The following RAB30 variants were observed in gnomAD, a reference collection of about 807,000 sequenced individuals.
RAB30 encodes the protein ras-related protein Rab-30.
In RAB30, 9 loss-of-function variants were observed where a neutral mutation model predicts 25.1. The observed-to-expected ratio is 0.36, with a 90% CI of 0.22 to 0.63. The LOEUF is 0.63. RAB30 is among the 20% of genes least tolerant of loss of function. RAB30 has a pLI of 0.69. For synonymous variants in RAB30, 77 were observed against 86.4 expected (o/e 0.89, Z 0.60); for missense variants, 140 against 243.5 (o/e 0.58, Z 2.83).
chr11:82,977,844 C>T lies in RAB30; in HGVS notation c.*4321G>A, dbSNP rs1348460550. On this transcript the variant is annotated 3_prime_UTR_variant, in exon 5 of 5. Coordinates refer to ENST00000527633, the MANE Select transcript of RAB30 (RefSeq NM_001286060.2). ...GGACTGAGGAGAGGAGATGAAATGC[C>T]ATCTCCCTTACTCTAATGTTGCTAT... 6.6e-6 allele frequency: 1 copy of T among 152,062 alleles called. No homozygotes were observed. Among genetic ancestry groups the T allele is most frequent in the Non-Finnish European group, 1.5e-5 (1 of 68,012 alleles). 9.4% of individuals were successfully genotyped at this position (152,062 alleles called of 1,614,324 possible).
intron 1 of RAB30, among the ~76,000 whole-genome samples, chr11:83,059,828 A>G (rs1456215679): frequency 6.6e-6 from 1 of 152,146 alleles, no homozygotes; most frequent in African/African-American, 2.4e-5. Flanking sequence ...GTTGAGGGGG[A>G]AAAAAGGCAA....
Position 82,982,075 on chromosome 11 carries a change from G to C in RAB30, c.*90C>G, listed in dbSNP as rs80226613. 781 of 1,546,702 alleles carry C rather than the reference G, an allele frequency of 5.0e-4. 4 individuals carry two copies. The African/African-American group carries it at 9.2e-3, about 18-fold the overall frequency. ...CCCACAGGAGTCAGAAGGTCAGAGA[G>C]CGGGAGCCACAGTCATCGCCAGATC... is the stretch of plus-strand genomic sequence containing the variant. On this transcript the variant is annotated 3_prime_UTR_variant, in exon 5 of 5. Coordinates refer to ENST00000527633, the MANE Select transcript of RAB30 (RefSeq NM_001286060.2).
chr11:82,984,249 C>T (rs962403729), intron 4 of RAB30, among the ~76,000 whole-genome samples: 12 of 152,154 alleles, frequency 7.9e-5, no homozygotes, highest in South Asian at 2.1e-4. Flanking sequence ...TAACTTTGAG[C>T]TTCCCTGAAT....
At chr11:82,995,892 T>G (rs936508559) in intron 2 of RAB30, among the ~76,000 whole-genome samples, 1 of 152,200 alleles carries the variant, frequency 6.6e-6, no homozygotes, top group African/African-American at 2.4e-5. Context: ...AGAGGTGGGT[T>G]GAATAATCTC....
At chr11:83,033,077 TTTTTTG>T (rs1857910274) in intron 1 of RAB30, among the ~76,000 whole-genome samples, 3 of 143,780 alleles carry the variant, frequency 2.1e-5, no homozygotes, top group Admixed American at 2.1e-4. Context: ...TTTTTTTTTT[TTTTTTG>T]AGACAGAGTC....
chr11:83,021,479 C>T (rs958572932), intron 1 of RAB30, among the ~76,000 whole-genome samples: 1 of 152,246 alleles, frequency 6.6e-6, no homozygotes, highest in African/African-American at 2.4e-5. Flanking sequence ...CCTGGTCCAG[C>T]TGCAGCCTCA....
chr11:83,014,610 A>C (rs1377847979), intron 1 of RAB30, among the ~76,000 whole-genome samples: 1 of 149,344 alleles, frequency 6.7e-6, no homozygotes, highest in African/African-American at 2.5e-5. Flanking sequence ...AGGCAGAGAG[A>C]GACAAAGAAA....
Position 82,976,883 on chromosome 11 carries a change from T to G in RAB30, c.*5282A>C, listed in dbSNP as rs1856554862. On this transcript the variant is annotated 3_prime_UTR_variant, in exon 5 of 5. Transcript: ENST00000527633. ...GCAAGTCAAAAATACTTGTTTTTAT[T>G]GCTTTCCACATAAAGCAATTTGACC... is the stretch of plus-strand genomic sequence containing the variant. The G allele has an allele frequency of 6.6e-6, 1 of 152,238 alleles. No individual in the cohort carries two copies. The highest frequency in any genetic ancestry group is 1.5e-5 in the Non-Finnish European group (1 of 68,032). 9.4% of individuals were successfully genotyped at this position (152,238 alleles called of 1,614,324 possible). A position where few individuals can be genotyped will look rare whatever the true frequency, so the allele number is the denominator to read the frequency against.
In RAB30 at chr11:82,973,702, G is replaced by C. The variant is rs1377612516; in HGVS notation, c.*8463C>G. 6.6e-6 allele frequency: 1 copy of C among 152,168 alleles called. No homozygotes were observed. The highest frequency in any genetic ancestry group is 1.5e-5 in the Non-Finnish European group (1 of 68,016). 9.4% of individuals were successfully genotyped at this position (152,168 alleles called of 1,614,324 possible). ...TAAGTTGCACTCTCCAAACAGGATT[G>C]CAAGAGGTTCTACGTAAATAAACAT... On this transcript the variant is annotated 3_prime_UTR_variant, in exon 5 of 5. Coordinates refer to ENST00000527633, the MANE Select transcript of RAB30 (RefSeq NM_001286060.2).
chr11:83,042,322 G>A (rs556788019), intron 1 of RAB30, among the ~76,000 whole-genome samples: 1 of 152,080 alleles, frequency 6.6e-6, no homozygotes, highest in Non-Finnish European at 1.5e-5. Context: ...GGAGGCCAAG[G>A]TGGGTGGATT....
chr11:83,059,069 A>G (rs1858511821), intron 1 of RAB30, among the ~76,000 whole-genome samples: 1 of 152,178 alleles, frequency 6.6e-6, no homozygotes, highest in African/African-American at 2.4e-5. Flanking sequence ...CAGCCTCCCA[A>G]GTAGCTGGGA....
rs907944464 is a variant in RAB30 at position 82,978,268 on chromosome 11, G to A, written c.*3897C>T. ...AAACTCTAGAAGATCTCTCCCAGAG[G>A]CTAATAGAGCAATGATCCCTAAGTA... On this transcript the variant is annotated 3_prime_UTR_variant, in exon 5 of 5. Coordinates refer to ENST00000527633, the MANE Select transcript of RAB30 (RefSeq NM_001286060.2). 55 of 152,184 alleles carry A rather than the reference G, an allele frequency of 3.6e-4. No individual in the cohort carries two copies. Among genetic ancestry groups the A allele is most frequent in the African/African-American group, 1.3e-3 (53 of 41,518 alleles). 9.4% of individuals were successfully genotyped at this position (152,184 alleles called of 1,614,324 possible).
intron 3 of RAB30, among the ~76,000 whole-genome samples, 178 bp downstream of exon 3, chr11:82,993,861 A>C (rs1213483464): frequency 1.3e-5 from 2 of 152,160 alleles, no homozygotes; most frequent in Non-Finnish European, 2.9e-5. Context: ...ATCATCCAAA[A>C]TTCCTTCCTT....
chr11:83,049,262 T>C (rs1179228925), intron 1 of RAB30, among the ~76,000 whole-genome samples: 1 of 151,682 alleles, frequency 6.6e-6, no homozygotes, highest in Non-Finnish European at 1.5e-5. Flanking sequence ...AATACAAAAA[T>C]TAGCTTGGTG....
intron 1 of RAB30, among the ~76,000 whole-genome samples, chr11:83,016,009 G>A (rs976008435): frequency 5.3e-5 from 8 of 152,092 alleles, no homozygotes; most frequent in Middle Eastern, 3.4e-3. Flanking sequence ...ATGGTGGCAC[G>A]TATCTGTAGT....
At chr11:82,999,747 C>T (rs1857037629) in intron 1 of RAB30, among the ~76,000 whole-genome samples, 1 of 152,120 alleles carries the variant, frequency 6.6e-6, no homozygotes, top group African/African-American at 2.4e-5. Flanking sequence ...CCCCCACCAC[C>T]CCAAGCCTCC....
At chr11:83,013,256 G>A (rs1215111909) in intron 1 of RAB30, among the ~76,000 whole-genome samples, 1 of 151,998 alleles carries the variant, frequency 6.6e-6, no homozygotes. Context: ...GCTAATTTTT[G>A]TATTTTTAGT....
intron 1 of RAB30, among the ~76,000 whole-genome samples, chr11:83,027,015 T>C (rs1857735419): frequency 6.6e-6 from 1 of 152,010 alleles, no homozygotes; most frequent in South Asian, 2.1e-4. Context: ...GATGCTAGAA[T>C]AAAGAACACA....
intron 1 of RAB30, among the ~76,000 whole-genome samples, chr11:83,049,186 C>T (rs942610984): frequency 3.3e-5 from 5 of 151,914 alleles, no homozygotes; most frequent in African/African-American, 7.3e-5. Flanking sequence ...CCAAGGCAGG[C>T]GGATCATGAG....
Sources: gnomAD v4.1 joint callset for allele counts (sites outside exome capture counted in the v4.1 genomes callset) on GRCh38, gnomAD v4.1.1 for gene constraint, MANE v1.5 for transcripts, NCBI Gene and HGNC (gene_info 2026-07-23, HGNC 2026-07-21) for gene names.